Variants in METTL2A observed in about 807,000 individuals in gnomAD.
The protein encoded by METTL2A is tRNA N(3)-cytidine methyltransferase METTL2A.
A neutral mutation model predicts 49.4 loss-of-function variants in METTL2A; 45 were observed. The observed-to-expected ratio is 0.91, with a 90% CI of 0.72 to 1.17. The LOEUF (loss-of-function observed/expected upper bound fraction) is 1.17, where lower values mean the gene tolerates loss of function less well. Ranked by LOEUF, METTL2A falls within the 50% of genes most tolerant of loss-of-function variation. The pLI is 0.00. For synonymous variants in METTL2A, 118 were observed against 167.5 expected (o/e 0.70, Z 2.28); for missense variants, 361 against 462.2 (o/e 0.78, Z 2.01).
chr17:62,448,390 G>A (rs1375590920), intron 8 of METTL2A, among the ~76,000 whole-genome samples, 185 bp from the exon 9 acceptor site: 1 of 152,028 alleles, frequency 6.6e-6, no homozygotes, highest in Non-Finnish European at 1.5e-5. Context: ...CGGCCCATAC[G>A]CAGTGGCTTC....
intron 2 of METTL2A, 107 bp downstream of exon 2, chr17:62,424,417 C>G: frequency 6.7e-7 from 1 of 1,492,918 alleles, no homozygotes; most frequent in Non-Finnish European, 9.1e-7. Context: ...TATTCCTGGC[C>G]TGATGCAGAT....
At chr17:62,431,821 A>AGC (rs2070667640) in intron 4 of METTL2A, among the ~76,000 whole-genome samples, 1 of 151,762 alleles carries the variant, frequency 6.6e-6, no homozygotes, top group Non-Finnish European at 1.5e-5. Flanking sequence ...CCCAGTTTCA[A>AGC]GCGATTCTCC....
chr17:62,429,976 G>A (rs2144138329), intron 4 of METTL2A, among the ~76,000 whole-genome samples: 1 of 152,308 alleles, frequency 6.6e-6, no homozygotes, highest in Admixed American at 6.5e-5. Context: ...CGGCCCTATA[G>A]CTGTTTTTAA....
Position 62,448,929 on chromosome 17 carries a change from A to G in METTL2A, c.*200A>G. 1.5e-6 allele frequency: 1 copy of G among 665,244 alleles called. No individual in the cohort carries two copies. The highest frequency in any genetic ancestry group is 2.2e-6 in the Non-Finnish European group (1 of 450,056). The allele number at this position is 665,244 out of a possible 1,614,324, so 41.2% of individuals were successfully genotyped here. A position where few individuals can be genotyped will look rare whatever the true frequency, so the allele number is the denominator to read the frequency against. On this transcript the variant is annotated 3_prime_UTR_variant, in exon 9 of 9. Coordinates refer to ENST00000311506, the MANE Select transcript of METTL2A (RefSeq NM_181725.4). ...TATCTGAAAGTAATAATAAAAATAA[A>G]AAATATAAATGAGGTCTCGTTGATG...
At chr17:62,439,896 T>C (rs1385101127) in intron 5 of METTL2A, among the ~76,000 whole-genome samples, 5 of 152,206 alleles carry the variant, frequency 3.3e-5, no homozygotes, top group African/African-American at 9.7e-5. Flanking sequence ...TGTTCTATTT[T>C]AAAAGCAACT....
intron 2 of METTL2A, 48 bp downstream of exon 2, chr17:62,424,358 G>C: frequency 6.2e-7 from 1 of 1,610,530 alleles, no homozygotes; most frequent in Non-Finnish European, 8.5e-7. Flanking sequence ...GCGTACTGCC[G>C]AACGCGCCCT....
chr17:62,438,534 A>G (rs1418066336), intron 5 of METTL2A, among the ~76,000 whole-genome samples: 1 of 150,976 alleles, frequency 6.6e-6, no homozygotes, highest in Non-Finnish European at 1.5e-5. Context: ...GTGAGCCGAG[A>G]TCGCACCACT....
At position 62,423,970 on chromosome 17, in the gene METTL2A, G is replaced by C; in HGVS notation, c.68G>C (p.Arg23Pro). ...LADKRQQFGS[R>P]FLRDPARVFH... ...GATAAGAGGCAGCAGTTCGGAAGCC[G>C]GTTCCTGAGAGATCCGGCGCGCGTC... Residue 23 changes from arginine (R) to proline (P), a missense_variant, in exon 1 of 9, where the codon CGG becomes CCG. Arg to Pro is a moderately radical substitution (Grantham distance 103). Coordinates refer to ENST00000311506, the MANE Select transcript of METTL2A (RefSeq NM_181725.4). 6.2e-7 allele frequency: 1 copy of C among 1,614,036 alleles called. No individual in the cohort carries two copies. The highest frequency in any genetic ancestry group is 8.5e-7 in the Non-Finnish European group (1 of 1,180,014).
intron 4 of METTL2A, among the ~76,000 whole-genome samples, chr17:62,433,742 C>CAA (rs907463434): frequency 1.0e-4 from 13 of 124,262 alleles, no homozygotes; most frequent in African/African-American, 3.2e-4. Flanking sequence ...CCTCGTGTCT[C>CAA]AAAAAAAAAA....
At position 62,447,809 on chromosome 17, in the gene METTL2A, A is replaced by G. The variant is rs374454630; in HGVS notation, c.982+43A>G. 2.5e-6 allele frequency: 4 copies of G among 1,610,968 alleles called. No homozygotes were observed. The African/African-American group carries it at 4.0e-5, about 16-fold the overall frequency. ...TTTTACACTAAAAGTCCCCAGTACC[A>G]GATGAGATGGTCTTCAAGGCACGTT... On this transcript the variant is annotated intron_variant, in intron 8 of 8. Transcript: ENST00000311506.
intron 4 of METTL2A, among the ~76,000 whole-genome samples, chr17:62,433,754 A>AG (rs1310145321): frequency 1.3e-5 from 2 of 151,568 alleles, no homozygotes; most frequent in Non-Finnish European, 2.9e-5. Flanking sequence ...AAAAAAAAAA[A>AG]AAGAAAAACA....
chr17:62,441,344 G>A (rs1428438300), intron 6 of METTL2A, among the ~76,000 whole-genome samples: 1 of 152,224 alleles, frequency 6.6e-6, no homozygotes, highest in African/African-American at 2.4e-5. Context: ...TAATGAGTAT[G>A]TGGGGAAATT....
intron 8 of METTL2A, 108 bp downstream of exon 8, chr17:62,447,874 G>C: frequency 6.4e-7 from 1 of 1,567,536 alleles, no homozygotes; most frequent in Non-Finnish European, 8.7e-7. Context: ...CTTTTAGGCA[G>C]GCTGTTTCCT....
intron 2 of METTL2A, 89 bp from the exon 3 acceptor site, chr17:62,426,210 T>G (rs1253908212): frequency 7.7e-7 from 1 of 1,303,394 alleles, no homozygotes; most frequent in Non-Finnish European, 1.0e-6. Context: ...AGTATTAAAG[T>G]GACATTTGGT....
chr17:62,451,641 C>T lies in METTL2A; in HGVS notation c.*2912C>T, dbSNP rs1301645251. Among the ~76,000 whole-genome samples the T allele has an allele frequency of 7.9e-5, 12 of 151,630 alleles. No individual in the cohort carries two copies. The highest frequency in any genetic ancestry group is 7.9e-4 in the Admixed American group (12 of 15,240). On this transcript the variant is annotated 3_prime_UTR_variant, in exon 9 of 9. Transcript: ENST00000311506. Reference sequence around the variant, plus strand: ...GCACGGTGGCTCACGCCTGTAATCCCAGCACTTTGAGAGACCAAGGTAGGT... The same window carrying T: ...GCACGGTGGCTCACGCCTGTAATCCTAGCACTTTGAGAGACCAAGGTAGGT...
chr17:62,434,818 C>G (rs781452230), intron 4 of METTL2A: 1 of 192,752 alleles, frequency 5.2e-6, no homozygotes, highest in Admixed American at 5.3e-5. Context: ...TCGCCACTGT[C>G]AAAGCACTCA....
chr17:62,429,774 G>C (rs1382429144), intron 4 of METTL2A, among the ~76,000 whole-genome samples: 1 of 152,144 alleles, frequency 6.6e-6, no homozygotes, highest in Non-Finnish European at 1.5e-5. Flanking sequence ...GGGTTCAAGC[G>C]ATTCTCCTGC....
intron 3 of METTL2A, among the ~76,000 whole-genome samples, 179 bp downstream of exon 3, chr17:62,426,833 A>T (rs925662144): frequency 1.4e-4 from 22 of 152,236 alleles, no homozygotes; most frequent in Non-Finnish European, 2.1e-4. Flanking sequence ...CTCAATGCAG[A>T]CCAGATATCT....
In METTL2A at chr17:62,450,280, G is replaced by T. The variant is rs1213578980; in HGVS notation, c.*1551G>T. 8.4e-5 allele frequency: 8 copies of T among 95,510 alleles called. No individual in the cohort carries two copies. Among genetic ancestry groups the T allele is most frequent in the African/African-American group, 4.7e-4 (7 of 14,952 alleles). The allele number at this position is 95,510 out of a possible 1,614,324, so 5.9% of individuals were successfully genotyped here. On this transcript the variant is annotated 3_prime_UTR_variant, in exon 9 of 9. Coordinates refer to ENST00000311506, the MANE Select transcript of METTL2A (RefSeq NM_181725.4). The stretch of plus-strand genomic sequence containing the variant: ...TTTTTTTTTTTTTTTTTTTTTTAAG[G>T]AGACAGGGCTCTCACTTTGTTGCCC...
Sources: allele counts gnomAD v4.1 joint callset (sites outside exome capture counted in the v4.1 genomes callset), GRCh38; gene constraint gnomAD v4.1.1; transcripts MANE v1.5; gene names NCBI Gene and HGNC (gene_info 2026-07-23, HGNC 2026-07-21).